The following LRBA variants were observed in gnomAD, a reference collection of about 807,000 sequenced individuals.
The protein encoded by LRBA is lipopolysaccharide-responsive and beige-like anchor protein.
Under a neutral mutation model 330.0 loss-of-function variants are expected in LRBA, and 176 were observed. The observed-to-expected ratio is 0.53, with a 90% CI of 0.47 to 0.60. The LOEUF is 0.60. Among genes scored for constraint, LRBA ranks in the 20% least tolerant of loss-of-function variants. The pLI, the probability that LRBA is intolerant of heterozygous loss-of-function variation, is 0.00. For missense variants in LRBA, 3,259 were observed against 3,444.8 expected (o/e 0.95, Z 1.35); for synonymous variants, 1,230 against 1,193.0 (o/e 1.03, Z -0.64).
chr4:150,622,177 T>C (rs1776359747), intron 37 of LRBA, among the ~76,000 whole-genome samples: 1 of 152,174 alleles, frequency 6.6e-6, no homozygotes, highest in Non-Finnish European at 1.5e-5. Context: ...ATGGCCTGTT[T>C]AGAATATTTA....
At chr4:150,615,501 T>C (rs906293362) in intron 37 of LRBA, among the ~76,000 whole-genome samples, 1 of 151,970 alleles carries the variant, frequency 6.6e-6, no homozygotes, top group African/African-American at 2.4e-5. Flanking sequence ...ATATTGAAGG[T>C]TGAGTCAAAA....
intron 2 of LRBA, among the ~76,000 whole-genome samples, chr4:150,999,700 TAAAAAACAAAAC>T (rs1010927812): frequency 6.9e-6 from 1 of 144,966 alleles, no homozygotes; most frequent in Non-Finnish European, 1.5e-5. Context: ...ATGACAAATT[TAAAAAACAAAAC>T]AAAAAAAAAA....
chr4:150,613,706 A>C (rs1390659237), intron 37 of LRBA, among the ~76,000 whole-genome samples: 1 of 152,214 alleles, frequency 6.6e-6, no homozygotes, highest in Non-Finnish European at 1.5e-5. Context: ...ATCAGACTTG[A>C]TGTACAGCGA....
intron 2 of LRBA, among the ~76,000 whole-genome samples, chr4:150,958,823 C>A (rs1737832093): frequency 6.7e-6 from 1 of 149,174 alleles, no homozygotes; most frequent in Non-Finnish European, 1.5e-5. Context: ...TTCCTCATCT[C>A]CATCTGAGAT....
chr4:150,482,344 T>C (rs1403335540), intron 42 of LRBA, among the ~76,000 whole-genome samples: 1 of 152,108 alleles, frequency 6.6e-6, no homozygotes, highest in Non-Finnish European at 1.5e-5. Flanking sequence ...CAAATTCATC[T>C]GTGTTGTTGC....
At chr4:150,326,791 A>C (rs1056143688) in intron 48 of LRBA, among the ~76,000 whole-genome samples, 1 of 152,212 alleles carries the variant, frequency 6.6e-6, no homozygotes, top group Non-Finnish European at 1.5e-5. Context: ...AGGGGAGAGA[A>C]GGAAGCAAAC....
intron 46 of LRBA, among the ~76,000 whole-genome samples, chr4:150,427,558 AAG>A (rs1389501580): frequency 1.3e-5 from 2 of 152,036 alleles, no homozygotes; most frequent in Non-Finnish European, 2.9e-5. Flanking sequence ...GATGAAAAAG[AAG>A]AGAGGCTGGC....
intron 37 of LRBA, among the ~76,000 whole-genome samples, chr4:150,633,932 T>C (rs544790058): frequency 2.2e-4 from 33 of 152,178 alleles, no homozygotes; most frequent in South Asian, 1.2e-3. Flanking sequence ...CTGGCCAACA[T>C]AGTGAAACCC....
intron 35 of LRBA, among the ~76,000 whole-genome samples, chr4:150,750,745 A>G (rs1007156444): frequency 3.9e-5 from 6 of 151,966 alleles, no homozygotes; most frequent in African/African-American, 1.2e-4. Context: ...TTTTATGTCA[A>G]TCTTATCCCT....
intron 2 of LRBA, chr4:151,012,752 T>C (rs1469840997): frequency 6.6e-6 from 1 of 151,966 alleles, no homozygotes; most frequent in Non-Finnish European, 1.5e-5. Context: ...CCCAATAAAC[T>C]GACATAGAAA....
chr4:150,857,889 T>C (rs998021165), intron 22 of LRBA, among the ~76,000 whole-genome samples: 7 of 152,176 alleles, frequency 4.6e-5, no homozygotes, highest in Non-Finnish European at 8.8e-5. Flanking sequence ...TAATGTCATA[T>C]AATATGCAGG....
In LRBA at chr4:150,934,457, T is replaced by G. The variant is rs142174177; in HGVS notation, c.217-5392A>C. Among the ~76,000 whole-genome samples, 102 of 152,356 alleles carry G rather than the reference T, an allele frequency of 6.7e-4. 1 individual carries two copies. The highest frequency in any genetic ancestry group is 3.4e-3 in the Middle Eastern group (1 of 294). ...ACTCATTCAACACACTTTTACTGAA[T>G]GCCTACAGTATGCCAGGCCCTGAGG... On this transcript the variant is annotated intron_variant, in intron 2 of 56. Coordinates refer to ENST00000651943, the MANE Select transcript of LRBA (RefSeq NM_001364905.1).
At chr4:151,013,388 C>T (rs905105948) in intron 2 of LRBA, 4 of 152,254 alleles carry the variant, frequency 2.6e-5, no homozygotes, top group Admixed American at 2.0e-4. Flanking sequence ...GATAACCAAG[C>T]CAGGCACAAT....
intron 37 of LRBA, among the ~76,000 whole-genome samples, chr4:150,633,314 G>A (rs1039897123): frequency 2.6e-5 from 4 of 152,196 alleles, no homozygotes; most frequent in Non-Finnish European, 5.9e-5. Context: ...ATAGTGCTTT[G>A]CATATAAGAA....
intron 40 of LRBA, among the ~76,000 whole-genome samples, chr4:150,545,896 T>C (rs1379633774): frequency 6.6e-6 from 1 of 152,186 alleles, no homozygotes; most frequent in Non-Finnish European, 1.5e-5. Context: ...AAATTCAACT[T>C]CTGATGCAAC....
intron 37 of LRBA, among the ~76,000 whole-genome samples, chr4:150,683,145 C>G (rs1783198085): frequency 1.3e-5 from 2 of 151,740 alleles, no homozygotes; most frequent in Admixed American, 1.3e-4. Context: ...TTTCAAATAA[C>G]TAAAAAATAT....
chr4:150,315,705 G>T, intron 50 of LRBA, 82 bp from the exon 51 acceptor site: 2 of 835,826 alleles, frequency 2.4e-6, no homozygotes, highest in Non-Finnish European at 1.8e-6. Flanking sequence ...CAAACCTTAT[G>T]TAGAATTGTT....
chr4:150,672,018 T>C (rs1278934985), intron 37 of LRBA, among the ~76,000 whole-genome samples: 1 of 152,200 alleles, frequency 6.6e-6, no homozygotes, highest in Non-Finnish European at 1.5e-5. Flanking sequence ...ATGTATAATA[T>C]AAAGCATTAA....
chr4:150,620,098 G>A (rs988041059), intron 37 of LRBA, among the ~76,000 whole-genome samples: 3 of 151,930 alleles, frequency 2.0e-5, no homozygotes, highest in Non-Finnish European at 2.9e-5. Context: ...TTAATGTTTC[G>A]TTAATGGATC....
Sources: allele counts gnomAD v4.1 joint callset (sites outside exome capture counted in the v4.1 genomes callset), GRCh38; gene constraint gnomAD v4.1.1; transcripts MANE v1.5; gene names NCBI Gene and HGNC (gene_info 2026-07-23, HGNC 2026-07-21).